The following RCC1L variants were observed in gnomAD, a reference collection of about 807,000 sequenced individuals.
The protein encoded by RCC1L is RCC1-like G exchanging factor-like protein.
Under a neutral mutation model 58.6 loss-of-function variants are expected in RCC1L, and 46 were observed. That is an observed-to-expected ratio of 0.79 (90% CI 0.62 to 1.00). The LOEUF (loss-of-function observed/expected upper bound fraction) is 1.00. Among genes scored for constraint, RCC1L ranks in the 50% least tolerant of loss-of-function variants. RCC1L has a pLI of 0.00. For synonymous variants in RCC1L, 281 were observed against 262.9 expected (o/e 1.07, Z -0.67); for missense variants, 636 against 623.6 (o/e 1.02, Z -0.21).
At chr7:75,045,342 G>C (rs1805688350) in intron 10 of RCC1L, among the ~76,000 whole-genome samples, 1 of 151,626 alleles carries the variant, frequency 6.6e-6, no homozygotes, top group Non-Finnish European at 1.5e-5. Flanking sequence ...ACTATGCTCA[G>C]CTTATTTTTG....
chr7:75,031,106 G>A (rs1175864213), intron 10 of RCC1L, among the ~76,000 whole-genome samples: 1 of 152,210 alleles, frequency 6.6e-6, no homozygotes, highest in Non-Finnish European at 1.5e-5. Flanking sequence ...TAAAAGAGTA[G>A]GGAGCTGATA....
At chr7:75,051,432 GAC>G (rs1307670215) in intron 10 of RCC1L, among the ~76,000 whole-genome samples, 1 of 149,066 alleles carries the variant, frequency 6.7e-6, no homozygotes, top group Non-Finnish European at 1.5e-5. Flanking sequence ...TTTTTTTTGA[GAC>G]ACAGTCTCCC....
intron 5 of RCC1L, among the ~76,000 whole-genome samples, chr7:75,063,067 G>A (rs1486438032): frequency 2.0e-5 from 3 of 151,626 alleles, no homozygotes; most frequent in East Asian, 3.9e-4. Context: ...CCAAAGTGCT[G>A]GCATTACAGG....
Position 75,061,211 on chromosome 7 carries a change from T to C in RCC1L, c.783A>G (p.Gln261=), listed in dbSNP as rs1178317927. 10 of 1,613,552 alleles carry C rather than the reference T, an allele frequency of 6.2e-6. No homozygotes were observed. Among genetic ancestry groups the C allele is most frequent in the Non-Finnish European group, 8.5e-6 (10 of 1,179,684 alleles). Residue 261 remains glutamine (Q), a synonymous_variant, in exon 6 of 11, where the codon CAA becomes CAG. Coordinates refer to ENST00000610322, the MANE Select transcript of RCC1L (RefSeq NM_030798.5). ...AGTGCATGAAAAGAACTCTACCTGT[T>C]TGCCCATCAGCACCCCATCCACAAG... ...VYSCGWGADG[Q]TGLGHYNITS... is the part of the protein sequence containing the mutation.
intron 8 of RCC1L, among the ~76,000 whole-genome samples, chr7:75,057,175 G>A (rs1228406994): frequency 2.6e-5 from 4 of 152,052 alleles, no homozygotes; most frequent in South Asian, 2.1e-4. Context: ...GTTTCACCAC[G>A]TTGGCCAGGC....
chr7:75,032,781 C>T (rs1805340129), intron 10 of RCC1L, among the ~76,000 whole-genome samples: 1 of 152,044 alleles, frequency 6.6e-6, no homozygotes, highest in Non-Finnish European at 1.5e-5. Flanking sequence ...TCAGATAATA[C>T]CACAGGAGGG....
At chr7:75,068,572 G>A (rs1256523318) in intron 2 of RCC1L, among the ~76,000 whole-genome samples, 2 of 151,604 alleles carry the variant, frequency 1.3e-5, no homozygotes, top group African/African-American at 4.8e-5. Context: ...TGTAGTACCA[G>A]CTACTCAGGA....
At chr7:75,036,902 C>T (rs1805440506) in intron 10 of RCC1L, among the ~76,000 whole-genome samples, 1 of 151,902 alleles carries the variant, frequency 6.6e-6, no homozygotes, top group South Asian at 2.1e-4. Flanking sequence ...GACTCTGTCT[C>T]AAAAATATAT....
chr7:75,068,901 G>C (rs1554445613), intron 2 of RCC1L, among the ~76,000 whole-genome samples: 1 of 151,634 alleles, frequency 6.6e-6, no homozygotes. Flanking sequence ...ACGGAGTCTT[G>C]CCCTGTCGCC....
Position 75,064,574 on chromosome 7 carries a change from G to A in RCC1L, c.650+8C>T, listed in dbSNP as rs1274278307. The stretch of plus-strand genomic sequence containing the variant: ...ACATGGGGAAGGGTAGGCCTTTTAG[G>A]AACTCACCTGTAAATTTCATTTTCG... On this transcript the variant is annotated splice_region_variant and intron_variant, in intron 4 of 10. Coordinates refer to ENST00000610322, the MANE Select transcript of RCC1L (RefSeq NM_030798.5). The A allele has an allele frequency of 1.9e-5, 31 of 1,613,732 alleles. No individual in the cohort carries two copies. The African/African-American group carries it at 4.0e-4, about 21-fold the overall frequency.
In RCC1L at chr7:75,055,968, C is replaced by T. The variant is rs781964936; in HGVS notation, c.1164G>A (p.Thr388=). The T allele has an allele frequency of 2.7e-5, 43 of 1,613,802 alleles. No individual in the cohort carries two copies. Among genetic ancestry groups the T allele is most frequent in the Admixed American group, 2.5e-4 (15 of 59,982 alleles). Residue 388 remains threonine (T), a synonymous_variant, in exon 9 of 11, where the codon ACG becomes ACA. Transcript: ENST00000610322. ...AAACCTGGATTTCTGGGTTGAACTC[C>T]GTCAAGCCAAAGAGAGTGGGTGGAA... The part of the protein sequence containing the change: ...EMIPPTLFGL[T]EFNPEIQVSR...
At position 75,073,525 on chromosome 7, in the gene RCC1L, C is replaced by T. The variant is rs1806849052; in HGVS notation, c.213G>A (p.Ala71=). The T allele has an allele frequency of 8.9e-6, 13 of 1,459,854 alleles. No individual in the cohort carries two copies. The highest frequency in any genetic ancestry group is 7.4e-5 in the African/African-American group (5 of 67,188). 90.4% of individuals were successfully genotyped at this position (1,459,854 alleles called of 1,614,324 possible). The change falls in exon 1 of 11, where the codon GCG becomes GCA. Residue 71 remains alanine (A), a synonymous_variant. Coordinates refer to ENST00000610322, the MANE Select transcript of RCC1L (RefSeq NM_030798.5). The part of the protein sequence containing the change: ...VFVWGFSFSG[A]LGVPSFVVPS... ...GCACCACAAAGGAAGGCACGCCCAG[C>T]GCCCCCGAGAAGCTGAAGCCCCACA... is the stretch of plus-strand genomic sequence containing the variant.
chr7:75,039,031 G>C (rs1411455401), downstream of RCC1L, among the ~76,000 whole-genome samples: 3 of 152,224 alleles, frequency 2.0e-5, no homozygotes, highest in South Asian at 6.2e-4. Flanking sequence ...AGTGGAGATG[G>C]GGTTTTGCCA....
At position 75,052,905 on chromosome 7, in the gene RCC1L, C is replaced by T. The variant is rs931438116; in HGVS notation, c.1232-109G>A. On this transcript the variant is annotated intron_variant, in intron 9 of 10. Coordinates refer to ENST00000610322, the MANE Select transcript of RCC1L (RefSeq NM_030798.5). ...TTCTAGAACCAGATACCTACAGAGC[C>T]CACTGTTCAGCTTTTACCAGGCGTT... The T allele has an allele frequency of 3.0e-4, 316 of 1,038,338 alleles. 1 individual carries two copies. Among genetic ancestry groups the T allele is most frequent in the Non-Finnish European group, 4.4e-4 (296 of 678,686 alleles). 64.3% of individuals were successfully genotyped at this position (1,038,338 alleles called of 1,614,324 possible).
intron 10 of RCC1L, among the ~76,000 whole-genome samples, chr7:75,051,641 G>C (rs1805919334): frequency 6.6e-6 from 1 of 152,108 alleles, no homozygotes; most frequent in Non-Finnish European, 1.5e-5. Flanking sequence ...TCGAACTCCT[G>C]ACCTTGTGAT....
At chr7:75,039,668 CT>C (rs1805507890), downstream of RCC1L, among the ~76,000 whole-genome samples, 1 of 152,140 alleles carries the variant, frequency 6.6e-6, no homozygotes. Context: ...CACGCTACGT[CT>C]TCCACCCGGG....
chr7:75,052,847 C>A (rs1253855483), intron 9 of RCC1L, 51 bp from the exon 10 acceptor site: 60 of 1,547,248 alleles, frequency 3.9e-5, no homozygotes, highest in Non-Finnish European at 5.2e-5. Context: ...AAGAACAAGT[C>A]TCCAAGGAGA....
Position 75,073,428 on chromosome 7 carries a change from C to G in RCC1L, c.310G>C (p.Glu104Gln), listed in dbSNP as rs587710433. ...RRIQPVPYRL[E>Q]LDQKISSAAC... ...GCGGCCTGCACCTTTTGGTCCAGCTCCAGGCGATAGGGCACGGGCTGGATC... is the reference window on the plus strand; with the variant it reads ...GCGGCCTGCACCTTTTGGTCCAGCTGCAGGCGATAGGGCACGGGCTGGATC... The change falls in exon 1 of 11, where the codon GAG becomes CAG. Residue 104 changes from glutamate (E) to glutamine (Q), a missense_variant. By Grantham distance (29) the Glu-to-Gln change is conservative (BLOSUM62 2). Coordinates refer to ENST00000610322, the MANE Select transcript of RCC1L (RefSeq NM_030798.5). 2.9e-4 allele frequency: 380 copies of G among 1,317,206 alleles called. 1 individual carries two copies. The African/African-American group carries it at 5.2e-3, about 18-fold the overall frequency. 81.6% of individuals were successfully genotyped at this position (1,317,206 alleles called of 1,614,324 possible).
chr7:75,030,789 C>T (rs1351034788), intron 10 of RCC1L, among the ~76,000 whole-genome samples: 1 of 152,160 alleles, frequency 6.6e-6, no homozygotes, highest in Admixed American at 6.5e-5. Flanking sequence ...TTGATACAGC[C>T]CAGCTCTGAT....
Sources: allele counts gnomAD v4.1 joint callset (sites outside exome capture counted in the v4.1 genomes callset), GRCh38; gene constraint gnomAD v4.1.1; transcripts MANE v1.5; gene names NCBI Gene and HGNC (gene_info 2026-07-23, HGNC 2026-07-21).